The following FGF7 variants were observed in gnomAD, a reference collection of about 807,000 sequenced individuals.
The protein encoded by FGF7 is fibroblast growth factor 7.
FGF7 carries 6 observed loss-of-function variants against 20.5 expected under a neutral mutation model. The ratio of observed to expected loss-of-function variants is 0.29; its 90% confidence interval spans 0.16 to 0.58. FGF7 has a LOEUF of 0.58. FGF7 is among the 20% of genes least tolerant of loss of function. FGF7 has a pLI of 0.90. For synonymous variants in FGF7, 64 were observed against 74.7 expected (o/e 0.86, Z 0.74); for missense variants, 144 against 228.8 (o/e 0.63, Z 2.39).
intron 2 of FGF7, among the ~76,000 whole-genome samples, chr15:49,473,525 T>C (rs2054974260): frequency 6.6e-6 from 1 of 152,148 alleles, no homozygotes. Flanking sequence ...ACTCAGTAAA[T>C]ACTTGTTAAA....
chr15:49,447,324 T>C (rs2052316732), intron 2 of FGF7, among the ~76,000 whole-genome samples: 1 of 151,618 alleles, frequency 6.6e-6, no homozygotes, highest in Non-Finnish European at 1.5e-5. Context: ...ACTTTGAACT[T>C]TACTTAGAGG....
intron 2 of FGF7, 111 bp from the exon 3 acceptor site, chr15:49,483,040 T>C: frequency 1.4e-6 from 1 of 718,314 alleles, no homozygotes; most frequent in East Asian, 2.7e-5. Context: ...ATAATCACAT[T>C]AAAAATTTTA....
At chr15:49,435,122 G>T (rs1436867132) in intron 2 of FGF7, among the ~76,000 whole-genome samples, 1 of 151,410 alleles carries the variant, frequency 6.6e-6, no homozygotes, top group Non-Finnish European at 1.5e-5. Context: ...GGTACATGGG[G>T]AAAAGGCATA....
At position 49,486,818 on chromosome 15, in the gene FGF7, C is replaced by T. The variant is rs1159441723; in HGVS notation, c.*2314C>T. Reference sequence around the variant, plus strand: ...TTCTCCTATTTTTAAATTTATTATGCAAATTTTAGAAAATAAAATTTGCTC... The same window carrying T: ...TTCTCCTATTTTTAAATTTATTATGTAAATTTTAGAAAATAAAATTTGCTC... On this transcript the variant is annotated 3_prime_UTR_variant, in exon 4 of 4. Coordinates refer to ENST00000267843, the MANE Select transcript of FGF7 (RefSeq NM_002009.4). 2.0e-5 allele frequency: 3 copies of T among 151,740 alleles called. No homozygotes were observed. The highest frequency in any genetic ancestry group is 4.4e-5 in the Non-Finnish European group (3 of 67,880). The allele number at this position is 151,740 out of a possible 1,614,324, so 9.4% of individuals were successfully genotyped here.
intron 2 of FGF7, among the ~76,000 whole-genome samples, chr15:49,456,174 T>C (rs576664978): frequency 6.6e-6 from 1 of 152,242 alleles, no homozygotes; most frequent in Non-Finnish European, 1.5e-5. Context: ...TTTCCAGATA[T>C]GCTATATTTC....
At chr15:49,456,926 TA>T in intron 2 of FGF7, among the ~76,000 whole-genome samples, 2 of 152,214 alleles carry the variant, frequency 1.3e-5, no homozygotes, top group Middle Eastern at 3.4e-3. Context: ...ATTTAATTTT[TA>T]AAAAGATACC....
At chr15:49,429,194 T>C (rs2151773725) in intron 2 of FGF7, among the ~76,000 whole-genome samples, 1 of 152,052 alleles carries the variant, frequency 6.6e-6, no homozygotes, top group South Asian at 2.1e-4. Flanking sequence ...AAGTAACATA[T>C]CTACGCAGTC....
At chr15:49,455,938 T>A (rs1175855053) in intron 2 of FGF7, among the ~76,000 whole-genome samples, 6 of 152,126 alleles carry the variant, frequency 3.9e-5, no homozygotes, top group Non-Finnish European at 8.8e-5. Flanking sequence ...TACTACAGAA[T>A]GGGAACTATG....
intron 2 of FGF7, among the ~76,000 whole-genome samples, chr15:49,441,481 C>CAGGAGCTCCAG (rs2051636911): frequency 6.6e-6 from 1 of 151,676 alleles, no homozygotes; most frequent in African/African-American, 2.4e-5. Flanking sequence ...ACAGTTCCAA[C>CAGGAGCTCCAG]AGGAGCTCCA....
intron 2 of FGF7, among the ~76,000 whole-genome samples, chr15:49,444,399 T>C (rs543277343): frequency 5.9e-4 from 90 of 151,820 alleles, no homozygotes; most frequent in African/African-American, 2.1e-3. Flanking sequence ...TTTTATAGTA[T>C]GAAAAAGTAA....
At chr15:49,462,791 G>A (rs1179607379) in intron 2 of FGF7, among the ~76,000 whole-genome samples, 2 of 152,120 alleles carry the variant, frequency 1.3e-5, no homozygotes, top group Non-Finnish European at 2.9e-5. Context: ...TTAGACTAGT[G>A]AAGACTTTGG....
chr15:49,482,184 G>A (rs2056015304), intron 2 of FGF7, among the ~76,000 whole-genome samples: 1 of 151,908 alleles, frequency 6.6e-6, no homozygotes, highest in Non-Finnish European at 1.5e-5. Flanking sequence ...ATAGCAAATT[G>A]CATAAAAGTA....
At chr15:49,462,262 A>C (rs1232356431) in intron 2 of FGF7, among the ~76,000 whole-genome samples, 1 of 152,196 alleles carries the variant, frequency 6.6e-6, no homozygotes, top group Admixed American at 6.5e-5. Context: ...GAGTACACTG[A>C]AAGTGGTCTC....
rs1044564824 is a variant in FGF7, at chr15:49,484,655, A to G, written c.*151A>G. Reference sequence around the variant, plus strand: ...AAAACTGATCAAGCTGGACTTGTGCATTTATGTTTGTTTTAAGACACTGCA... The same window carrying G: ...AAAACTGATCAAGCTGGACTTGTGCGTTTATGTTTGTTTTAAGACACTGCA... On this transcript the variant is annotated 3_prime_UTR_variant, in exon 4 of 4. Transcript: ENST00000267843. 1 of 460,322 alleles carries G rather than the reference A, an allele frequency of 2.2e-6. No individual in the cohort carries two copies. Among genetic ancestry groups the G allele is most frequent in the African/African-American group, 2.0e-5 (1 of 49,050 alleles). 28.5% of individuals were successfully genotyped at this position (460,322 alleles called of 1,614,324 possible).
chr15:49,435,721 G>T (rs1199261955), intron 2 of FGF7, among the ~76,000 whole-genome samples: 1 of 151,398 alleles, frequency 6.6e-6, no homozygotes, highest in Non-Finnish European at 1.5e-5. Flanking sequence ...CTATATCATA[G>T]TTGCTATGTT....
chr15:49,457,891 G>A (rs1286018031), intron 2 of FGF7, among the ~76,000 whole-genome samples: 1 of 151,836 alleles, frequency 6.6e-6, no homozygotes. Context: ...TCATTTTTGT[G>A]CTAATTTTAG....
chr15:49,471,019 C>T (rs1487808200), intron 2 of FGF7, among the ~76,000 whole-genome samples: 3 of 152,196 alleles, frequency 2.0e-5, no homozygotes, highest in African/African-American at 7.2e-5. Context: ...ATAATATAAA[C>T]TGTTTTTCTT....
intron 3 of FGF7, among the ~76,000 whole-genome samples, chr15:49,484,081 T>C (rs978435396): frequency 7.2e-5 from 11 of 152,026 alleles, no homozygotes; most frequent in African/African-American, 1.9e-4. Flanking sequence ...ACATATTTCA[T>C]AACTAGCTGT....
At chr15:49,448,643 T>C (rs1165540699) in intron 2 of FGF7, among the ~76,000 whole-genome samples, 3 of 151,538 alleles carry the variant, frequency 2.0e-5, no homozygotes, top group Non-Finnish European at 4.4e-5. Flanking sequence ...GATGAGCATA[T>C]ACTATTTTTT....
Sources: gnomAD v4.1 joint callset for allele counts (sites outside exome capture counted in the v4.1 genomes callset) on GRCh38, gnomAD v4.1.1 for gene constraint, MANE v1.5 for transcripts, NCBI Gene and HGNC (gene_info 2026-07-23, HGNC 2026-07-21) for gene names.